The following DPP6 variants were observed in gnomAD, a reference collection of about 807,000 sequenced individuals.
DPP6 encodes A-type potassium channel modulatory protein DPP6.
DPP6 carries 69 observed loss-of-function variants against 122.6 expected under a neutral mutation model. The ratio of observed to expected loss-of-function variants is 0.56; its 90% CI spans 0.46 to 0.69. DPP6 has a LOEUF of 0.69. Ranked by LOEUF, DPP6 falls within the 30% of genes least tolerant of loss-of-function variation. The probability of loss-of-function intolerance (pLI) is 0.00; values close to 1 mark genes in which losing one functional copy is unlikely to be tolerated. For missense variants in DPP6, 928 were observed against 1,116.9 expected (o/e 0.83, Z 2.41); for synonymous variants, 418 against 433.1 (o/e 0.97, Z 0.43).
chr7:154,207,178 G>C (rs1799495093), intron 1 of DPP6, among the ~76,000 whole-genome samples: 1 of 152,298 alleles, frequency 6.6e-6, no homozygotes, highest in East Asian at 1.9e-4. Context: ...AAGTTCTAAT[G>C]ACTGTCTGGT....
At chr7:154,499,306 G>C (rs1022478952) in intron 3 of DPP6, among the ~76,000 whole-genome samples, 1 of 152,136 alleles carries the variant, frequency 6.6e-6, no homozygotes, top group African/African-American at 2.4e-5. Flanking sequence ...ACAAAGCATG[G>C]CCATTCTAGC....
At chr7:154,436,000 T>A (rs1287466988) in intron 1 of DPP6, among the ~76,000 whole-genome samples, 1 of 152,144 alleles carries the variant, frequency 6.6e-6, no homozygotes, top group Non-Finnish European at 1.5e-5. Context: ...ATTTGACATA[T>A]TTTAAGGCAC....
At chr7:154,613,918 G>A (rs185658333) in intron 5 of DPP6, among the ~76,000 whole-genome samples, 2 of 152,278 alleles carry the variant, frequency 1.3e-5, no homozygotes, top group South Asian at 2.1e-4. Flanking sequence ...GGCCAGCCAC[G>A]CCCTGCGCCA....
chr7:154,728,034 T>C, intron 8 of DPP6, 147 bp downstream of exon 8: 4 of 1,376,666 alleles, frequency 2.9e-6, no homozygotes, highest in Admixed American at 2.8e-5. Flanking sequence ...AAGATTTTGT[T>C]AGAGCTTTTG....
intron 1 of DPP6, among the ~76,000 whole-genome samples, chr7:154,258,140 G>GGAGGGGAGGC (rs1802775237): frequency 7.3e-6 from 1 of 136,208 alleles, no homozygotes; most frequent in East Asian, 2.6e-4. Flanking sequence ...CGAGGCGAGG[G>GGAGGGGAGGC]GAGGGGAGGC....
At chr7:153,955,892 T>C (rs1206689266) in intron 1 of DPP6, among the ~76,000 whole-genome samples, 2 of 152,162 alleles carry the variant, frequency 1.3e-5, no homozygotes, top group East Asian at 3.9e-4. Context: ...CAGATATAGC[T>C]ACTGAATCAG....
chr7:154,886,049 G>A (rs572706993), intron 22 of DPP6, among the ~76,000 whole-genome samples: 140 of 152,354 alleles, frequency 9.2e-4, no homozygotes, highest in Middle Eastern at 3.4e-3. Flanking sequence ...GCCAGGGTGC[G>A]CAGGAGGGGA....
chr7:154,725,717 C>G (rs1842033465), intron 7 of DPP6, among the ~76,000 whole-genome samples: 1 of 152,208 alleles, frequency 6.6e-6, no homozygotes, highest in Non-Finnish European at 1.5e-5. Context: ...TACAATCATG[C>G]CTTCCCAACA....
chr7:153,759,204 T>C, the DPP6 span, among the ~76,000 whole-genome samples: 2 of 152,220 alleles, frequency 1.3e-5, no homozygotes, highest in South Asian at 4.2e-4. Context: ...ATCCCTGACA[T>C]ATTTTTGATT....
At chr7:154,572,205 C>T (rs942843600) in intron 5 of DPP6, among the ~76,000 whole-genome samples, 11 of 152,270 alleles carry the variant, frequency 7.2e-5, no homozygotes, top group African/African-American at 2.6e-4. Context: ...CCATTTTGCT[C>T]TCTAAGGGAC....
chr7:154,669,588 A>AC, intron 7 of DPP6, 147 bp downstream of exon 7: 1 of 1,298,758 alleles, frequency 7.7e-7, no homozygotes, highest in Non-Finnish European at 1.0e-6. Context: ...CTGGAGAGGT[A>AC]CACCAGGGTG....
chr7:154,176,765 G>A (rs895033009), intron 1 of DPP6, among the ~76,000 whole-genome samples: 3 of 152,240 alleles, frequency 2.0e-5, no homozygotes, highest in African/African-American at 7.2e-5. Context: ...GGCAGCGCGT[G>A]CCTGGGGCTT....
intron 1 of DPP6, among the ~76,000 whole-genome samples, chr7:154,105,370 G>A (rs2150576008): frequency 6.6e-6 from 1 of 152,308 alleles, no homozygotes; most frequent in Non-Finnish European, 1.5e-5. Flanking sequence ...TGGGATTCCA[G>A]GCCTGCCGAG....
At chr7:154,448,081 G>T (rs953717291) in intron 2 of DPP6, among the ~76,000 whole-genome samples, 1 of 151,310 alleles carries the variant, frequency 6.6e-6, no homozygotes, top group Admixed American at 6.6e-5. Context: ...AGGGCTATTA[G>T]GTAGGAAAAA....
rs141980841 is a variant in DPP6 at position 154,421,379 on chromosome 7, A to G, written c.244-24835A>G. 1.8e-3 allele frequency among the ~76,000 whole-genome samples: 265 copies of G among 150,810 alleles called. 1 individual carries two copies. Among genetic ancestry groups the G allele is most frequent in the African/African-American group, 5.9e-3 (243 of 41,048 alleles). ...CTCTTCTTACCCAGGCTGGAATGCA[A>G]TGGTACAATCTCAGCTCACTGCAAC... On this transcript the variant is annotated intron_variant, in intron 1 of 25. Transcript: ENST00000377770.
At chr7:153,775,536 GTATTT>G in the DPP6 span, among the ~76,000 whole-genome samples, 1 of 151,476 alleles carries the variant, frequency 6.6e-6, no homozygotes, top group Non-Finnish European at 1.5e-5. Context: ...TTTATTAATA[GTATTT>G]TATTTATTTA....
At chr7:154,641,736 T>G (rs1836106664) in intron 6 of DPP6, among the ~76,000 whole-genome samples, 1 of 152,218 alleles carries the variant, frequency 6.6e-6, no homozygotes, top group Admixed American at 6.5e-5. Context: ...ACATATGGAC[T>G]TTTTTCTATA....
chr7:154,587,344 C>T (rs1832521117), intron 5 of DPP6: 1 of 426,054 alleles, frequency 2.3e-6, no homozygotes, highest in South Asian at 3.0e-5. Flanking sequence ...TTATTCCTCC[C>T]CCCAACCATT....
At chr7:153,788,388 A>T in the DPP6 span, among the ~76,000 whole-genome samples, 6 of 152,208 alleles carry the variant, frequency 3.9e-5, no homozygotes, top group African/African-American at 1.2e-4. Flanking sequence ...TACGTGCAAA[A>T]GTTTCACTGA....
Sources: allele counts gnomAD v4.1 joint callset (sites outside exome capture counted in the v4.1 genomes callset), GRCh38; gene constraint gnomAD v4.1.1; transcripts MANE v1.5; gene names NCBI Gene and HGNC (gene_info 2026-07-23, HGNC 2026-07-21).